Variants in ULK4 observed in about 807,000 individuals in gnomAD.
ULK4 encodes the protein unc-51 like kinase 4, also known as inactive serine/threonine-protein kinase ULK4.
Under a neutral mutation model 160.6 loss-of-function variants are expected in ULK4, and 133 were observed. The observed-to-expected ratio is 0.83, with a 90% CI of 0.72 to 0.96. The LOEUF is 0.96. Among genes scored for constraint, ULK4 ranks in the 40% least tolerant of loss-of-function variants. The probability of loss-of-function intolerance (pLI) is 0.00; values close to 1 mark genes in which losing one functional copy is unlikely to be tolerated. For missense variants in ULK4, 1,580 were observed against 1,499.5 expected (o/e 1.05, Z -0.89); for synonymous variants, 534 against 539.8 (o/e 0.99, Z 0.15).
intron 35 of ULK4, among the ~76,000 whole-genome samples, chr3:41,267,353 T>C (rs1050561283): frequency 6.6e-6 from 1 of 152,208 alleles, no homozygotes; most frequent in African/African-American, 2.4e-5. Flanking sequence ...TTATTCCTTT[T>C]TATGGCTGCA....
intron 17 of ULK4, chr3:41,854,221 C>T (rs1397875322): frequency 2.0e-5 from 3 of 152,270 alleles, no homozygotes; most frequent in Non-Finnish European, 4.4e-5. Context: ...ATTGAAAACA[C>T]TGGAATGACT....
At chr3:41,829,884 T>C (rs2041514395) in intron 18 of ULK4, among the ~76,000 whole-genome samples, 1 of 149,918 alleles carries the variant, frequency 6.7e-6, no homozygotes, top group Non-Finnish European at 1.5e-5. Context: ...TAGCAAAGAC[T>C]TGGAACCAAC....
intron 31 of ULK4, among the ~76,000 whole-genome samples, chr3:41,606,738 T>C (rs1319776528): frequency 1.3e-5 from 2 of 152,048 alleles, no homozygotes; most frequent in Non-Finnish European, 2.9e-5. Flanking sequence ...GCACTTTTCA[T>C]AAACTTGGCC....
intron 35 of ULK4, among the ~76,000 whole-genome samples, chr3:41,266,815 TC>T (rs1201763374): frequency 6.6e-6 from 1 of 152,096 alleles, no homozygotes; most frequent in Non-Finnish European, 1.5e-5. Context: ...TATTCTTCCT[TC>T]TTACTGAAGT....
intron 32 of ULK4, among the ~76,000 whole-genome samples, chr3:41,532,673 T>C (rs931475336): frequency 6.6e-6 from 1 of 152,218 alleles, no homozygotes; most frequent in Admixed American, 6.5e-5. Flanking sequence ...TTCATTTATA[T>C]ATTGTCTACA....
rs147258493 is a variant in ULK4, at chr3:41,248,733, T to C, written c.3764+756A>G. Among the ~76,000 whole-genome samples the C allele has an allele frequency of 3.6e-3, 551 of 152,334 alleles. 1 individual carries two copies. Among genetic ancestry groups the C allele is most frequent in the Middle Eastern group, 6.8e-3 (2 of 294 alleles). On this transcript the variant is annotated intron_variant, in intron 36 of 36. Coordinates refer to ENST00000301831, the MANE Select transcript of ULK4 (RefSeq NM_017886.4). The stretch of plus-strand genomic sequence containing the variant: ...GGTCCAGTGAAGGTCAGGCACCCCA[T>C]AGGAGGCGGGTCCTTCTCCCCAGGG...
chr3:41,356,726 A>G (rs1203386896), intron 35 of ULK4, among the ~76,000 whole-genome samples: 1 of 152,196 alleles, frequency 6.6e-6, no homozygotes, highest in Non-Finnish European at 1.5e-5. Context: ...TCTGGTTAGG[A>G]TGTTTCACAG....
chr3:41,906,556 A>T (rs969191874), intron 12 of ULK4, among the ~76,000 whole-genome samples: 1 of 152,106 alleles, frequency 6.6e-6, no homozygotes, highest in Admixed American at 6.6e-5. Flanking sequence ...CAAGGAGTTA[A>T]CACATGACAC....
intron 17 of ULK4, among the ~76,000 whole-genome samples, chr3:41,842,176 T>C (rs750351135): frequency 1.6e-5 from 2 of 121,624 alleles, no homozygotes; most frequent in Non-Finnish European, 3.3e-5. Context: ...GCAATGAACA[T>C]GTAAAAAAAA....
intron 34 of ULK4, among the ~76,000 whole-genome samples, chr3:41,401,170 C>A (rs1468247197): frequency 1.3e-5 from 2 of 152,288 alleles, no homozygotes; most frequent in South Asian, 2.1e-4. Context: ...TAGCTCTTAG[C>A]AATCGTGCTG....
In ULK4 at chr3:41,809,686, C is replaced by T. The variant is rs566906066; in HGVS notation, c.1849-9393G>A. On this transcript the variant is annotated intron_variant, in intron 19 of 36. Transcript: ENST00000301831. Reference sequence around the variant, plus strand: ...GGTTCTATTTGTTTCTGTTGGCCTACTTATCTCTGTGCCACACTATCTAAA... The same window carrying T: ...GGTTCTATTTGTTTCTGTTGGCCTATTTATCTCTGTGCCACACTATCTAAA... Among the ~76,000 whole-genome samples, 6 of 152,298 alleles carry T rather than the reference C, an allele frequency of 3.9e-5. No homozygotes were observed. In the East Asian group the frequency reaches 1.2e-3, roughly 29 times the overall value.
intron 22 of ULK4, among the ~76,000 whole-genome samples, chr3:41,753,038 C>A (rs918824271): frequency 6.6e-6 from 1 of 152,104 alleles, no homozygotes; most frequent in Admixed American, 6.5e-5. Context: ...CACAGTGAGA[C>A]CCTGTCTCTA....
chr3:41,744,502 T>C (rs1237833930), intron 22 of ULK4, among the ~76,000 whole-genome samples: 2 of 151,804 alleles, frequency 1.3e-5, no homozygotes, highest in African/African-American at 4.9e-5. Context: ...GAAAACATAA[T>C]ACCCTAAGTA....
chr3:41,774,786 C>T (rs1383942062), intron 21 of ULK4, among the ~76,000 whole-genome samples: 10 of 150,486 alleles, frequency 6.6e-5, no homozygotes, highest in South Asian at 4.2e-4. Flanking sequence ...ATGTTTATTG[C>T]GGCACTACTC....
At chr3:41,638,761 T>C (rs1266977855) in intron 30 of ULK4, among the ~76,000 whole-genome samples, 1 of 152,224 alleles carries the variant, frequency 6.6e-6, no homozygotes, top group Non-Finnish European at 1.5e-5. Context: ...TGGAAGAAGA[T>C]TTGCTGTTGA....
intron 34 of ULK4, among the ~76,000 whole-genome samples, chr3:41,443,460 A>G (rs968477654): frequency 6.6e-6 from 1 of 152,224 alleles, no homozygotes; most frequent in African/African-American, 2.4e-5. Flanking sequence ...GCAAATGCTG[A>G]CAGACTTTGA....
chr3:41,540,592 A>G (rs886544692), intron 32 of ULK4, among the ~76,000 whole-genome samples: 43 of 152,186 alleles, frequency 2.8e-4, no homozygotes, highest in African/African-American at 1.0e-3. Context: ...TTCTAGTTCT[A>G]GATCCTTAAG....
intron 21 of ULK4, among the ~76,000 whole-genome samples, chr3:41,785,982 C>T (rs1421007268): frequency 6.6e-6 from 1 of 152,096 alleles, no homozygotes; most frequent in Non-Finnish European, 1.5e-5. Context: ...CTTCACATTC[C>T]AAGCTCTTTC....
intron 17 of ULK4, among the ~76,000 whole-genome samples, chr3:41,854,410 A>G (rs1355121832): frequency 1.3e-5 from 2 of 152,160 alleles, no homozygotes; most frequent in African/African-American, 4.8e-5. Flanking sequence ...ACCACAGTGG[A>G]AATCATGAGA....
Sources: allele counts gnomAD v4.1 joint callset (sites outside exome capture counted in the v4.1 genomes callset), GRCh38; gene constraint gnomAD v4.1.1; transcripts MANE v1.5; gene names NCBI Gene and HGNC (gene_info 2026-07-23, HGNC 2026-07-21).